The following LMBR1 variants were observed in gnomAD, a reference collection of about 807,000 sequenced individuals.
The protein encoded by LMBR1 is limb region 1 protein homolog.
LMBR1 carries 52 observed loss-of-function variants against 73.9 expected under a neutral mutation model. The ratio of observed to expected loss-of-function variants is 0.70; its 90% CI spans 0.56 to 0.89. The LOEUF (loss-of-function observed/expected upper bound fraction) is 0.89, where lower values mean the gene tolerates loss of function less well. Among genes scored for constraint, LMBR1 ranks in the 40% least tolerant of loss-of-function variants. The pLI is 0.00. For synonymous variants in LMBR1, 215 were observed against 209.4 expected (o/e 1.03, Z -0.23); for missense variants, 539 against 579.8 (o/e 0.93, Z 0.72).
At chr7:156,722,335 C>T (rs566845509) in intron 15 of LMBR1, among the ~76,000 whole-genome samples, 106 of 152,200 alleles carry the variant, frequency 7.0e-4, no homozygotes, top group Non-Finnish European at 1.2e-3. Flanking sequence ...AAATCAAAAT[C>T]CTGTTATACA....
At chr7:156,780,275 CA>C (rs776400305) in intron 5 of LMBR1, among the ~76,000 whole-genome samples, 7 of 152,040 alleles carry the variant, frequency 4.6e-5, no homozygotes, top group Admixed American at 1.3e-4. Context: ...TAAAGCTGGA[CA>C]AAAAGAAAGT....
chr7:156,809,798 C>T (rs1832779347), intron 4 of LMBR1, among the ~76,000 whole-genome samples: 1 of 152,102 alleles, frequency 6.6e-6, no homozygotes, highest in South Asian at 2.1e-4. Flanking sequence ...TTTGTAGATG[C>T]ATTTAAGATT....
intron 4 of LMBR1, among the ~76,000 whole-genome samples, chr7:156,810,668 C>T (rs1832939203): frequency 6.6e-6 from 1 of 152,068 alleles, no homozygotes; most frequent in Non-Finnish European, 1.5e-5. Flanking sequence ...GCTGGGATTA[C>T]AGGTGTGAGC....
At chr7:156,671,869 C>T (rs760750945) in intron 4 of LMBR1, among the ~76,000 whole-genome samples, 3 of 151,934 alleles carry the variant, frequency 2.0e-5, no homozygotes, top group Non-Finnish European at 4.4e-5. Flanking sequence ...AACTATCTCA[C>T]GTTTGAAAAT....
chr7:156,717,085 G>A (rs1813375597), intron 15 of LMBR1, among the ~76,000 whole-genome samples: 1 of 152,332 alleles, frequency 6.6e-6, no homozygotes, highest in East Asian at 1.9e-4. Flanking sequence ...GCTGCAGTGA[G>A]CTGTGAATGA....
rs149739763 is a variant in LMBR1, at chr7:156,750,890, G to A, written c.757+5503C>T. On this transcript the variant is annotated intron_variant, in intron 9 of 16. Coordinates refer to ENST00000353442, the MANE Select transcript of LMBR1 (RefSeq NM_022458.4). ...TATGGGAGGCCAAGGCTGGCAGATC[G>A]CTTAAGCCCAGGAGTTTGAGACCAG... Among the ~76,000 whole-genome samples, 1,495 of 152,210 alleles carry A rather than the reference G, an allele frequency of 9.8e-3. 24 individuals carry two copies. The highest frequency in any genetic ancestry group is 0.044 in the Middle Eastern group (13 of 294).
intron 5 of LMBR1, among the ~76,000 whole-genome samples, chr7:156,784,710 G>A (rs887834994): frequency 6.6e-6 from 1 of 152,142 alleles, no homozygotes; most frequent in Non-Finnish European, 1.5e-5. Flanking sequence ...TCTTTTATAC[G>A]GGGGAAGTCA....
At chr7:156,801,707 T>A (rs1348963043) in intron 4 of LMBR1, among the ~76,000 whole-genome samples, 1 of 152,110 alleles carries the variant, frequency 6.6e-6, no homozygotes, top group African/African-American at 2.4e-5. Context: ...GATTTTTGTA[T>A]TTTTTGTAGA....
At chr7:156,806,736 C>T (rs930321263) in intron 4 of LMBR1, among the ~76,000 whole-genome samples, 6 of 151,428 alleles carry the variant, frequency 4.0e-5, no homozygotes, top group East Asian at 3.9e-4. Flanking sequence ...CTCAGCCTCC[C>T]GAATAGCTGG....
At chr7:156,880,801 C>T (rs548460619) in intron 1 of LMBR1, among the ~76,000 whole-genome samples, 13 of 152,084 alleles carry the variant, frequency 8.5e-5, no homozygotes, top group African/African-American at 2.7e-4. Context: ...TACAGGCATG[C>T]GCCACCACGC....
intron 15 of LMBR1, 81 bp downstream of exon 15, chr7:156,724,031 T>C: frequency 3.2e-6 from 3 of 947,850 alleles, no homozygotes; most frequent in African/African-American, 1.6e-5. Context: ...GTAATCTTTA[T>C]GAGTAAATGT....
Position 156,871,380 on chromosome 7 carries a change from A to G in LMBR1, c.66+21548T>C, listed in dbSNP as rs570578341. 1.1e-4 allele frequency among the ~76,000 whole-genome samples: 16 copies of G among 152,354 alleles called. No individual in the cohort carries two copies. The South Asian group carries it at 1.5e-3, about 14-fold the overall frequency. ...ACCAAACACTTAAGGAGCAATTAGC[A>G]CCAATCTGTCTCAAACTCCTTCAAA... On this transcript the variant is annotated intron_variant, in intron 1 of 16. Transcript: ENST00000353442.
chr7:156,830,804 G>A (rs1836547780), intron 3 of LMBR1, among the ~76,000 whole-genome samples: 2 of 152,158 alleles, frequency 1.3e-5, no homozygotes, highest in South Asian at 4.1e-4. Context: ...CTACCTCAGT[G>A]GGTCTTTCAG....
downstream of LMBR1, among the ~76,000 whole-genome samples, chr7:156,674,352 A>G (rs1396472667): frequency 6.6e-6 from 1 of 152,256 alleles, no homozygotes; most frequent in African/African-American, 2.4e-5. Context: ...GGGGAATGGG[A>G]AATGTCATCT....
At position 156,744,918 on chromosome 7, in the gene LMBR1, A is replaced by C. The variant is rs565308789; in HGVS notation, c.758-10661T>G. On this transcript the variant is annotated intron_variant, in intron 9 of 16. Coordinates refer to ENST00000353442, the MANE Select transcript of LMBR1 (RefSeq NM_022458.4). ...TGGCTCATGGTCCCTTCCTTGAGTC[A>C]CTCCGACCTCTTCTTCCATTACCAA... 2.0e-5 allele frequency among the ~76,000 whole-genome samples: 3 copies of C among 152,024 alleles called. No homozygotes were observed. The East Asian group carries it at 5.8e-4, about 29-fold the overall frequency.
intron 4 of LMBR1, among the ~76,000 whole-genome samples, chr7:156,797,505 C>A (rs141889864): frequency 3.1e-3 from 477 of 152,306 alleles, no homozygotes; most frequent in Non-Finnish European, 5.2e-3. Flanking sequence ...CATTTCCAAG[C>A]AGTGGAGATG....
At chr7:156,838,255 A>G (rs889622541) in intron 1 of LMBR1, among the ~76,000 whole-genome samples, 3 of 152,154 alleles carry the variant, frequency 2.0e-5, no homozygotes, top group Admixed American at 6.5e-5. Context: ...CTACTTAGTG[A>G]TTTTCAAAAT....
intron 1 of LMBR1, among the ~76,000 whole-genome samples, chr7:156,875,136 C>A (rs541565037): frequency 7.2e-5 from 11 of 152,166 alleles, no homozygotes; most frequent in South Asian, 4.1e-4. Flanking sequence ...AAAGGACACA[C>A]TTAGAGAAAT....
chr7:156,815,640 T>C (rs897256999), intron 4 of LMBR1, among the ~76,000 whole-genome samples: 12 of 152,214 alleles, frequency 7.9e-5, no homozygotes, highest in African/African-American at 2.9e-4. Flanking sequence ...ATGGGGATGC[T>C]GAGCTAGGCT....
Sources: allele counts gnomAD v4.1 joint callset (sites outside exome capture counted in the v4.1 genomes callset), GRCh38; gene constraint gnomAD v4.1.1; transcripts MANE v1.5; gene names NCBI Gene and HGNC (gene_info 2026-07-23, HGNC 2026-07-21).